The following GULP1 variants were observed in gnomAD, a reference collection of about 807,000 sequenced individuals.
GULP1 encodes the protein PTB domain-containing engulfment adapter protein 1.
In GULP1, 19 loss-of-function variants were observed where a neutral mutation model predicts 40.9. That is an observed-to-expected ratio of 0.46 (90% CI 0.32 to 0.68). GULP1 has a LOEUF of 0.68. Among genes scored for constraint, GULP1 ranks in the 30% least tolerant of loss-of-function variants. GULP1 has a pLI of 0.03. For missense variants in GULP1, 312 were observed against 362.2 expected, an observed-to-expected ratio of 0.86 and a Z score of 1.12; for synonymous variants, 119 against 117.6, an observed-to-expected ratio of 1.01 and a Z score of -0.08.
chr2:188,371,557 T>C (rs1351402683), intron 1 of GULP1, among the ~76,000 whole-genome samples: 1 of 152,154 alleles, frequency 6.6e-6, no homozygotes, highest in African/African-American at 2.4e-5. Context: ...CACAACACTG[T>C]GTATGGGACA....
At chr2:188,424,253 C>T (rs2055847003) in intron 2 of GULP1, among the ~76,000 whole-genome samples, 1 of 151,716 alleles carries the variant, frequency 6.6e-6, no homozygotes. Context: ...TTTTATAATA[C>T]AAAAATCTCA....
At chr2:188,517,506 G>A (rs1029012173) in intron 4 of GULP1, among the ~76,000 whole-genome samples, 1 of 151,554 alleles carries the variant, frequency 6.6e-6, no homozygotes, top group Non-Finnish European at 1.5e-5. Context: ...TCCTTTTGTT[G>A]CTGTTTTTTT....
intron 6 of GULP1, among the ~76,000 whole-genome samples, chr2:188,530,588 A>T (rs1267882462): frequency 6.6e-6 from 1 of 152,172 alleles, no homozygotes; most frequent in Non-Finnish European, 1.5e-5. Flanking sequence ...AGGAAGAGAC[A>T]CCAGGGATAC....
intron 2 of GULP1, among the ~76,000 whole-genome samples, chr2:188,452,377 T>C (rs1454627682): frequency 6.6e-6 from 1 of 152,212 alleles, no homozygotes; most frequent in African/African-American, 2.4e-5. Context: ...AATTTTAGGA[T>C]ATAAAAATGC....
At chr2:188,550,108 A>G (rs1443996451) in intron 7 of GULP1, among the ~76,000 whole-genome samples, 1 of 151,842 alleles carries the variant, frequency 6.6e-6, no homozygotes, top group East Asian at 1.9e-4. Context: ...AGGATACACA[A>G]GATCTCTCTG....
chr2:188,484,579 G>A (rs1303205361), intron 4 of GULP1, among the ~76,000 whole-genome samples: 2 of 151,606 alleles, frequency 1.3e-5, no homozygotes, highest in Non-Finnish European at 3.0e-5. Context: ...AACGTTTATG[G>A]ATTAGTGAAG....
At chr2:188,585,131 A>G (rs567572517) in intron 10 of GULP1, among the ~76,000 whole-genome samples, 2 of 152,230 alleles carry the variant, frequency 1.3e-5, no homozygotes, top group South Asian at 2.1e-4. Context: ...TAAAGCTCCA[A>G]AATTATCTCA....
chr2:188,335,429 A>T (rs1330814216), intron 1 of GULP1, among the ~76,000 whole-genome samples: 1 of 152,090 alleles, frequency 6.6e-6, no homozygotes, highest in Non-Finnish European at 1.5e-5. Flanking sequence ...CAACCCTTTT[A>T]ATCCTGGTTA....
At chr2:188,365,665 A>C (rs781643790) in intron 1 of GULP1, among the ~76,000 whole-genome samples, 1 of 152,156 alleles carries the variant, frequency 6.6e-6, no homozygotes, top group Admixed American at 6.5e-5. Flanking sequence ...AAGAGAGGGT[A>C]GGATGTCAAG....
intron 4 of GULP1, among the ~76,000 whole-genome samples, chr2:188,491,988 GTTTA>G (rs1423842524): frequency 6.6e-6 from 1 of 151,900 alleles, no homozygotes; most frequent in African/African-American, 2.4e-5. Flanking sequence ...GAACTAAGTG[GTTTA>G]TTTTTCTAAA....
intron 1 of GULP1, among the ~76,000 whole-genome samples, chr2:188,298,376 T>TTTA (rs1465426226): frequency 6.6e-6 from 1 of 151,888 alleles, no homozygotes; most frequent in East Asian, 1.9e-4. Context: ...TTAGAGGGTG[T>TTTA]TTATGGATTG....
At chr2:188,329,989 C>T (rs529090545) in intron 1 of GULP1, among the ~76,000 whole-genome samples, 3 of 152,054 alleles carry the variant, frequency 2.0e-5, no homozygotes, top group Non-Finnish European at 2.9e-5. Context: ...CTTTGAGATG[C>T]GCCAAAGTAG....
intron 1 of GULP1, among the ~76,000 whole-genome samples, chr2:188,348,280 AT>A (rs1190025712): frequency 1.3e-5 from 2 of 152,214 alleles, no homozygotes; most frequent in Non-Finnish European, 2.9e-5. Context: ...CTTTTAATAG[AT>A]TCAGTGTCAG....
chr2:188,333,678 T>C (rs2152075040), intron 1 of GULP1, among the ~76,000 whole-genome samples: 1 of 152,314 alleles, frequency 6.6e-6, no homozygotes, highest in East Asian at 1.9e-4. Context: ...AAAAGCCAAT[T>C]TAGAAGACAT....
intron 2 of GULP1, among the ~76,000 whole-genome samples, chr2:188,414,598 C>G (rs1043638285): frequency 6.6e-6 from 1 of 152,070 alleles, no homozygotes; most frequent in Non-Finnish European, 1.5e-5. Context: ...AAAAGAATGC[C>G]GAAGCTGGAA....
At chr2:188,468,329 G>T (rs2060298018) in intron 2 of GULP1, among the ~76,000 whole-genome samples, 1 of 152,200 alleles carries the variant, frequency 6.6e-6, no homozygotes, top group African/African-American at 2.4e-5. Flanking sequence ...TAACCTTAGA[G>T]AATTTCCTTA....
Position 188,570,044 on chromosome 2 carries a change from C to T in GULP1, c.533C>T (p.Thr178Ile), listed in dbSNP as rs763552013. Residue 178 changes from threonine (T) to isoleucine (I), a missense_variant, in exon 9 of 12, where the codon ACA (threonine) becomes ATA (isoleucine). Transcript: ENST00000409830. The part of the protein sequence containing the change: ...GLQKRIQDLE[T>I]ENMELKNKVQ... ...TCTTTTTAGATCCAAGACTTAGAAA[C>T]AGAAAATATGGAACTTAAAAATAAA... 3.0e-6 allele frequency: 4 copies of T among 1,342,898 alleles called. No homozygotes were observed. Among genetic ancestry groups the T allele is most frequent in the Non-Finnish European group, 4.2e-6 (4 of 956,322 alleles). The allele number at this position is 1,342,898 out of a possible 1,614,324, so 83.2% of individuals were successfully genotyped here.
chr2:188,414,410 A>G (rs1333417083), intron 2 of GULP1, among the ~76,000 whole-genome samples: 2 of 152,186 alleles, frequency 1.3e-5, no homozygotes, highest in East Asian at 3.9e-4. Flanking sequence ...TTTCCATTTG[A>G]CAAATAATTT....
intron 2 of GULP1, among the ~76,000 whole-genome samples, chr2:188,449,353 G>A (rs1340020501): frequency 2.0e-5 from 3 of 151,842 alleles, no homozygotes; most frequent in Non-Finnish European, 4.4e-5. Flanking sequence ...TTCTTGTTTC[G>A]TCTTCCACAC....
Sources: gnomAD v4.1 joint callset for allele counts (sites outside exome capture counted in the v4.1 genomes callset) on GRCh38, gnomAD v4.1.1 for gene constraint, MANE v1.5 for transcripts, NCBI Gene and HGNC (gene_info 2026-07-23, HGNC 2026-07-21) for gene names.